The following SGCZ variants were observed in gnomAD, a reference collection of about 807,000 sequenced individuals.
The protein encoded by SGCZ is zeta-sarcoglycan.
Under a neutral mutation model 41.3 loss-of-function variants are expected in SGCZ, and 40 were observed. The observed-to-expected ratio is 0.97, with a 90% CI of 0.75 to 1.26. The LOEUF is 1.26. Ranked by LOEUF, SGCZ falls within the 50% of genes most tolerant of loss-of-function variation. The pLI, the probability that SGCZ is intolerant of heterozygous loss-of-function variation, is 0.00. For missense variants in SGCZ, 552 were observed against 369.8 expected (o/e 1.49, Z -4.04); for synonymous variants, 206 against 137.5 (o/e 1.50, Z -3.49).
chr8:15,034,367 A>C (rs1803794324), intron 1 of SGCZ, among the ~76,000 whole-genome samples: 1 of 152,174 alleles, frequency 6.6e-6, no homozygotes. Flanking sequence ...TCAAGCAGAA[A>C]AAAGATCCTG....
Position 14,811,633 on chromosome 8 carries a change from A to G in SGCZ, c.40-256707T>C, listed in dbSNP as rs1043810061. On this transcript the variant is annotated intron_variant, in intron 1 of 7. Transcript: ENST00000382080. Reference sequence around the variant, plus strand: ...GTTTGAATAAATCAAATTTTCACATAAATTTCATAGAATCTGGAGAACAGC... The same window carrying G: ...GTTTGAATAAATCAAATTTTCACATGAATTTCATAGAATCTGGAGAACAGC... Among the ~76,000 whole-genome samples, 82 of 149,170 alleles carry G rather than the reference A, an allele frequency of 5.5e-4. 2 individuals carry two copies. Among genetic ancestry groups the G allele is most frequent in the Admixed American group, 5.4e-3 (79 of 14,572 alleles).
Position 14,992,883 on chromosome 8 carries a change from G to A in SGCZ, c.39+244702C>T, listed in dbSNP as rs1354075949. On this transcript the variant is annotated intron_variant, in intron 1 of 7. Transcript: ENST00000382080. ...GTGTTCCCCTCAATATTTACCTCTCGCCCATCCTCCTCATCCAATCTACTC... is the reference window on the plus strand; with the variant it reads ...GTGTTCCCCTCAATATTTACCTCTCACCCATCCTCCTCATCCAATCTACTC... Among the ~76,000 whole-genome samples, 6 of 89,264 alleles carry A rather than the reference G, an allele frequency of 6.7e-5. No homozygotes were observed. The South Asian group carries it at 1.2e-3, about 17-fold the overall frequency. 58.6% of individuals were successfully genotyped at this position (89,264 alleles called of 152,430 possible).
chr8:14,900,336 C>T (rs749209483), intron 1 of SGCZ, among the ~76,000 whole-genome samples: 7 of 152,240 alleles, frequency 4.6e-5, no homozygotes, highest in Non-Finnish European at 7.4e-5. Flanking sequence ...AAACCCCCAA[C>T]GGCTCTAGAT....
intron 2 of SGCZ, among the ~76,000 whole-genome samples, chr8:14,416,963 T>G (rs543775372): frequency 6.6e-6 from 1 of 151,852 alleles, no homozygotes; most frequent in East Asian, 1.9e-4. Flanking sequence ...AGATCCAACA[T>G]AAGGCAGGGT....
chr8:14,629,521 T>C (rs75607907), intron 1 of SGCZ, among the ~76,000 whole-genome samples: 3,761 of 151,814 alleles, frequency 0.025, 89 homozygotes, highest in African/African-American at 0.065. Flanking sequence ...ATATAAAAAG[T>C]GCATAAGATA....
chr8:14,698,785 T>C (rs1055351226), intron 1 of SGCZ, among the ~76,000 whole-genome samples: 1 of 151,900 alleles, frequency 6.6e-6, no homozygotes, highest in Non-Finnish European at 1.5e-5. Context: ...GATCTTGTAT[T>C]TGAAGAAAAT....
At chr8:15,073,427 T>G (rs991411250) in intron 1 of SGCZ, among the ~76,000 whole-genome samples, 1 of 152,076 alleles carries the variant, frequency 6.6e-6, no homozygotes, top group Admixed American at 6.5e-5. Flanking sequence ...CACAATAAAT[T>G]AATACATAAG....
Position 14,624,984 on chromosome 8 carries a change from A to G in SGCZ, c.40-70058T>C, listed in dbSNP as rs188169763. Among the ~76,000 whole-genome samples, 17 of 152,210 alleles carry G rather than the reference A, an allele frequency of 1.1e-4. 1 individual carries two copies. Among genetic ancestry groups the G allele is most frequent in the African/African-American group, 4.1e-4 (17 of 41,538 alleles). On this transcript the variant is annotated intron_variant, in intron 1 of 7. Transcript: ENST00000382080. ...CCTTAGATATGGTCATTCACCACAC[A>G]TGAATTTCTTAGGTATAATCTTCTG...
chr8:14,586,334 C>T (rs568120806), intron 1 of SGCZ, among the ~76,000 whole-genome samples: 1 of 152,176 alleles, frequency 6.6e-6, no homozygotes, highest in Admixed American at 6.5e-5. Context: ...GTGTCTCAGA[C>T]TCCCAAGTAG....
At chr8:14,907,687 T>A (rs917355165) in intron 1 of SGCZ, among the ~76,000 whole-genome samples, 1 of 152,008 alleles carries the variant, frequency 6.6e-6, no homozygotes, top group African/African-American at 2.4e-5. Context: ...AAAAATAAAA[T>A]AAAGAATAAA....
At chr8:14,410,462 T>G (rs985415448) in intron 2 of SGCZ, among the ~76,000 whole-genome samples, 1 of 151,754 alleles carries the variant, frequency 6.6e-6, no homozygotes, top group East Asian at 1.9e-4. Flanking sequence ...GTAGAAGTGT[T>G]CTATTTCAAA....
At chr8:14,626,280 C>A (rs1479349713) in intron 1 of SGCZ, among the ~76,000 whole-genome samples, 1 of 152,104 alleles carries the variant, frequency 6.6e-6, no homozygotes, top group African/African-American at 2.4e-5. Context: ...CCGCATACAT[C>A]AGCTATTTGT....
In SGCZ at chr8:14,102,455, C is replaced by A. The variant is rs769233485; in HGVS notation, c.665G>T (p.Gly222Val). The change falls in exon 7 of 8, where the codon GGG becomes GTG. Residue 222 changes from glycine to valine, a missense_variant. Gly to Val is a moderately radical substitution (Grantham distance 109). Transcript: ENST00000382080. ...TCCTGCAGCAGCACTCACCTGGACC[C>A]CACGGGGAGCTTCCATGATCAAGGA... ...TRSLIMEAPR[G>V]VQVSAAAGDF... is the part of the protein sequence containing the mutation. The A allele has an allele frequency of 6.6e-7, 1 of 1,504,856 alleles. No individual in the cohort carries two copies. The highest frequency in any genetic ancestry group is 9.0e-7 in the Non-Finnish European group (1 of 1,111,918). 93.2% of individuals were successfully genotyped at this position (1,504,856 alleles called of 1,614,324 possible).
chr8:14,625,943 T>A (rs1033666107), intron 1 of SGCZ, among the ~76,000 whole-genome samples: 1 of 152,146 alleles, frequency 6.6e-6, no homozygotes, highest in African/African-American at 2.4e-5. Flanking sequence ...ATTAATTTAC[T>A]AATTAATTTA....
chr8:14,830,206 C>T (rs1011542481), intron 1 of SGCZ, among the ~76,000 whole-genome samples: 2 of 151,928 alleles, frequency 1.3e-5, no homozygotes, highest in African/African-American at 4.8e-5. Context: ...TTTAATTATT[C>T]CATCAGTTAC....
chr8:14,619,005 A>G (rs918121885), intron 1 of SGCZ, among the ~76,000 whole-genome samples: 3 of 152,186 alleles, frequency 2.0e-5, no homozygotes, highest in Non-Finnish European at 4.4e-5. Flanking sequence ...AAGTGAACAC[A>G]TGAACCTGGA....
At chr8:15,204,311 G>A (rs570285062) in intron 1 of SGCZ, among the ~76,000 whole-genome samples, 1 of 152,110 alleles carries the variant, frequency 6.6e-6, no homozygotes, top group Non-Finnish European at 1.5e-5. Flanking sequence ...AATTCAAAAA[G>A]TATGCAGAAG....
chr8:14,578,178 G>T (rs577892441), intron 1 of SGCZ, among the ~76,000 whole-genome samples: 14 of 152,302 alleles, frequency 9.2e-5, no homozygotes, highest in Non-Finnish European at 1.6e-4. Context: ...GATAAAAAGA[G>T]AAATGGCAAA....
At chr8:14,353,382 C>G (rs1011785543) in intron 2 of SGCZ, among the ~76,000 whole-genome samples, 6 of 152,026 alleles carry the variant, frequency 3.9e-5, no homozygotes, top group Non-Finnish European at 8.8e-5. Context: ...GTGATTTAAT[C>G]TTGATTCATG....
Sources: allele counts gnomAD v4.1 joint callset (sites outside exome capture counted in the v4.1 genomes callset), GRCh38; gene constraint gnomAD v4.1.1; transcripts MANE v1.5; gene names NCBI Gene and HGNC (gene_info 2026-07-23, HGNC 2026-07-21).